The following FREM2 variants were observed in gnomAD, a reference collection of about 807,000 sequenced individuals.
The protein encoded by FREM2 is FRAS1 related extracellular matrix 2.
A neutral mutation model predicts 219.9 loss-of-function variants in FREM2; 119 were observed. The observed-to-expected ratio is 0.54, with a 90% CI of 0.47 to 0.63. FREM2 has a LOEUF of 0.63. Ranked by LOEUF, FREM2 falls within the 30% of genes least tolerant of loss-of-function variation. The pLI is 0.00. For missense variants in FREM2, 4,030 were observed against 3,993.6 expected (o/e 1.01, Z -0.25); for synonymous variants, 1,562 against 1,522.8 (o/e 1.03, Z -0.60).
intron 3 of FREM2, 21 bp from the exon 4 acceptor site, chr13:38,769,557 T>G: frequency 6.3e-7 from 1 of 1,575,588 alleles, no homozygotes; most frequent in Non-Finnish European, 8.7e-7. Context: ...ACTAAGAAAA[T>G]GATATTATGT....
At chr13:38,809,815 T>C (rs1185436891) in intron 6 of FREM2, among the ~76,000 whole-genome samples, 3 of 152,116 alleles carry the variant, frequency 2.0e-5, no homozygotes, top group Non-Finnish European at 4.4e-5. Context: ...CTATTCTGGG[T>C]CTTTTGTGAT....
chr13:38,856,063 AAAAAT>A, intron 11 of FREM2, 58 bp from the exon 12 acceptor site: 1 of 1,213,308 alleles, frequency 8.2e-7, no homozygotes, highest in Admixed American at 2.3e-5. Context: ...AAAAAAAAAA[AAAAAT>A]AGAAAACTTC....
At position 38,757,782 on chromosome 13, in the gene FREM2, G is replaced by A. The variant is rs376631834; in HGVS notation, c.5264-6522G>A. ...ACTTTTGTATTTTTAGTAGAGACGG[G>A]GTTTCACCATGCTGTTCAGGCTGTC... On this transcript the variant is annotated intron_variant, in intron 2 of 23. Transcript: ENST00000280481. Among the ~76,000 whole-genome samples the A allele has an allele frequency of 3.5e-4, 53 of 152,072 alleles. No individual in the cohort carries two copies. In the East Asian group the frequency reaches 6.4e-3, roughly 18 times the overall value.
At chr13:38,762,863 A>G (rs1873284885) in intron 2 of FREM2, among the ~76,000 whole-genome samples, 1 of 152,240 alleles carries the variant, frequency 6.6e-6, no homozygotes, top group African/African-American at 2.4e-5. Flanking sequence ...TCACAGTATC[A>G]GTACCATTTG....
chr13:38,863,543 A>G (rs1450555629), intron 15 of FREM2, among the ~76,000 whole-genome samples: 1 of 60,440 alleles, frequency 1.7e-5, no homozygotes, highest in Non-Finnish European at 3.0e-5. Context: ...CCTTTAAAAA[A>G]CTATGTTATA....
intron 6 of FREM2, among the ~76,000 whole-genome samples, chr13:38,834,131 C>A (rs1876618855): frequency 6.6e-6 from 1 of 152,046 alleles, no homozygotes; most frequent in African/African-American, 2.4e-5. Flanking sequence ...AACCCATCAT[C>A]TACATTAGGT....
chr13:38,763,513 G>A (rs1873317549), intron 2 of FREM2, among the ~76,000 whole-genome samples: 1 of 97,048 alleles, frequency 1.0e-5, no homozygotes, highest in Non-Finnish European at 2.0e-5. Flanking sequence ...AGGCATTACT[G>A]ATGCCTTTGT....
intron 14 of FREM2, among the ~76,000 whole-genome samples, chr13:38,860,381 A>G (rs1282508556): frequency 1.3e-5 from 2 of 151,980 alleles, no homozygotes; most frequent in Non-Finnish European, 2.9e-5. Context: ...TAAATCCTTC[A>G]CTCTGCAGAA....
intron 6 of FREM2, among the ~76,000 whole-genome samples, chr13:38,812,525 A>G (rs535130073): frequency 1.3e-5 from 2 of 152,280 alleles, no homozygotes; most frequent in African/African-American, 4.8e-5. Context: ...ATTATTTTAA[A>G]CTAATGACAA....
intron 6 of FREM2, among the ~76,000 whole-genome samples, chr13:38,832,832 T>C (rs1467879189): frequency 6.6e-6 from 1 of 151,964 alleles, no homozygotes; most frequent in African/African-American, 2.4e-5. Context: ...ATCGCTTGAG[T>C]CCAGGAGTTC....
chr13:38,809,776 T>G (rs1875403268), intron 6 of FREM2, among the ~76,000 whole-genome samples: 1 of 152,062 alleles, frequency 6.6e-6, no homozygotes, highest in Non-Finnish European at 1.5e-5. Flanking sequence ...ATTCCTTCAG[T>G]TTTGTTCTTT....
chr13:38,711,736 A>T (rs1181407273), intron 2 of FREM2, among the ~76,000 whole-genome samples: 1 of 152,098 alleles, frequency 6.6e-6, no homozygotes, highest in Non-Finnish European at 1.5e-5. Context: ...GCACTTTAGG[A>T]TTTTAAAGAA....
intron 20 of FREM2, 77 bp from the exon 21 acceptor site, chr13:38,877,040 G>T (rs1878364238): frequency 6.8e-7 from 1 of 1,473,000 alleles, no homozygotes; most frequent in African/African-American, 1.4e-5. Context: ...TACGGTGAAT[G>T]TATGTATCTG....
intron 2 of FREM2, among the ~76,000 whole-genome samples, chr13:38,700,278 A>G: frequency 6.6e-6 from 1 of 152,102 alleles, no homozygotes; most frequent in African/African-American, 2.4e-5. Context: ...GTTATGATGT[A>G]GTAATGGATT....
chr13:38,690,829 G>A lies in FREM2; in HGVS notation c.3485G>A (p.Arg1162Gln), dbSNP rs772453403. ...AAAGGGGTGGAACCTGTGGAGGACC[G>A]ATTTGTATTTCGTTGTTCTGATGGC... is the stretch of plus-strand genomic sequence containing the variant. ...VHKGVEPVED[R>Q]FVFRCSDGIN... Residue 1162 changes from arginine (R) to glutamine (Q), a missense_variant, in exon 1 of 24, where the codon CGA becomes CAA. This residue lies in a region of FREM2 where 3,102 missense variants were observed against 2,950.7 expected (regional missense o/e 1.05). Transcript: ENST00000280481. The A allele has an allele frequency of 4.5e-5, 73 of 1,614,002 alleles. No homozygotes were observed. Among genetic ancestry groups the A allele is most frequent in the Non-Finnish European group, 5.8e-5 (68 of 1,180,032 alleles).
intron 6 of FREM2, among the ~76,000 whole-genome samples, chr13:38,838,369 T>A (rs6563638): frequency 6.6e-6 from 1 of 151,946 alleles, no homozygotes; most frequent in Non-Finnish European, 1.5e-5. Context: ...GTAACCCAAC[T>A]TTTCTCTCTG....
chr13:38,784,855 A>T, intron 6 of FREM2, 47 bp downstream of exon 6: 1 of 1,596,418 alleles, frequency 6.3e-7, no homozygotes, highest in East Asian at 2.2e-5. Flanking sequence ...GAAGATCAAC[A>T]TCAGGAACAA....
In FREM2 at chr13:38,799,066, TA is replaced by T. The variant is rs201640069; in HGVS notation, c.6019+14259del. On this transcript the variant is annotated intron_variant, in intron 6 of 23. Transcript: ENST00000280481. The stretch of plus-strand genomic sequence containing the variant: ...TTTTTGGTTCCCTGAGGCGCATCAT[TA>T]TGTTGTTTATTTGAAGTATTTCTAC... 8.2e-3 allele frequency among the ~76,000 whole-genome samples: 1,248 copies of T among 152,158 alleles called. 10 individuals carry two copies. The highest frequency in any genetic ancestry group is 0.029 in the African/African-American group (1,204 of 41,548).
At chr13:38,813,500 C>A (rs1875589839) in intron 6 of FREM2, among the ~76,000 whole-genome samples, 1 of 16,610 alleles carries the variant, frequency 6.0e-5, no homozygotes, top group Non-Finnish European at 1.1e-4. Context: ...CTCTCTCTCT[C>A]TCTCTCTCTC....
Sources: allele counts gnomAD v4.1 joint callset (sites outside exome capture counted in the v4.1 genomes callset), GRCh38; gene constraint gnomAD v4.1.1; regional missense constraint gnomAD v4.1.1; transcripts MANE v1.5; gene names NCBI Gene and HGNC (gene_info 2026-07-23, HGNC 2026-07-21).